SPIDR: variants seen among roughly 807,000 people sequenced by gnomAD.
The protein encoded by SPIDR is scaffold protein involved in DNA repair.
A neutral mutation model predicts 104.6 loss-of-function variants in SPIDR; 93 were observed. The ratio of observed to expected loss-of-function variants is 0.89; its 90% CI spans 0.75 to 1.06. SPIDR has a LOEUF of 1.06. SPIDR is among the 50% of genes least tolerant of loss of function. The pLI is 0.00. For synonymous variants in SPIDR, 431 were observed against 416.9 expected (o/e 1.03, Z -0.41); for missense variants, 1,154 against 1,111.2 (o/e 1.04, Z -0.55).
intron 6 of SPIDR, among the ~76,000 whole-genome samples, chr8:47,406,608 A>G (rs2062790188): frequency 6.6e-6 from 1 of 152,200 alleles, no homozygotes; most frequent in African/African-American, 2.4e-5. Context: ...GTGTCTCTAT[A>G]GGTATTAATA....
intron 10 of SPIDR, among the ~76,000 whole-genome samples, chr8:47,619,012 T>C (rs1341867526): frequency 1.3e-5 from 2 of 152,260 alleles, no homozygotes; most frequent in African/African-American, 4.8e-5. Context: ...CTGGCAACTT[T>C]AATTGCCCCA....
chr8:47,474,984 T>G (rs190775788), intron 8 of SPIDR, among the ~76,000 whole-genome samples: 33 of 152,366 alleles, frequency 2.2e-4, no homozygotes, highest in African/African-American at 7.9e-4. Context: ...CACAAAGTTA[T>G]GGAAAGCCAA....
At chr8:47,729,074 C>T in intron 18 of SPIDR, 27 bp downstream of exon 18, 2 of 1,611,682 alleles carry the variant, frequency 1.2e-6, no homozygotes, top group Non-Finnish European at 1.7e-6. Context: ...AGCACGCACG[C>T]ACTCCTAGCT....
intron 8 of SPIDR, among the ~76,000 whole-genome samples, chr8:47,504,763 G>T (rs1200469831): frequency 1.3e-5 from 2 of 152,120 alleles, no homozygotes; most frequent in East Asian, 3.8e-4. Context: ...CATCTTTGTG[G>T]TTTTATCTAC....
chr8:47,557,142 C>T (rs1237519531), intron 8 of SPIDR, among the ~76,000 whole-genome samples: 5 of 152,084 alleles, frequency 3.3e-5, no homozygotes, highest in East Asian at 1.9e-4. Context: ...AATGAGACTT[C>T]GGCTCCTCAT....
At chr8:47,426,027 G>C (rs1554684444) in intron 7 of SPIDR, among the ~76,000 whole-genome samples, 3 of 151,082 alleles carry the variant, frequency 2.0e-5, no homozygotes, top group African/African-American at 7.3e-5. Flanking sequence ...GGCAGATCAC[G>C]AGGTCAGGAG....
intron 5 of SPIDR, among the ~76,000 whole-genome samples, chr8:47,302,701 G>A (rs1288000184): frequency 6.6e-6 from 1 of 152,206 alleles, no homozygotes; most frequent in African/African-American, 2.4e-5. Flanking sequence ...GGAGTTTGGT[G>A]GAGGTCCACT....
At chr8:47,484,874 A>G (rs2077335693) in intron 8 of SPIDR, among the ~76,000 whole-genome samples, 1 of 152,202 alleles carries the variant, frequency 6.6e-6, no homozygotes, top group Non-Finnish European at 1.5e-5. Context: ...CGGCAGTTCC[A>G]AGACAGCTGA....
intron 16 of SPIDR, among the ~76,000 whole-genome samples, chr8:47,721,196 T>C (rs898257587): frequency 2.0e-5 from 3 of 152,238 alleles, no homozygotes; most frequent in African/African-American, 7.2e-5. Flanking sequence ...ATCATCTAGA[T>C]TTTCTCCTGT....
intron 8 of SPIDR, among the ~76,000 whole-genome samples, chr8:47,489,106 T>C (rs1300460467): frequency 6.6e-5 from 10 of 152,176 alleles, no homozygotes; most frequent in Non-Finnish European, 1.5e-4. Flanking sequence ...GAAAACCCCA[T>C]CGTCTCACCC....
At chr8:47,635,098 G>A (rs1216996438) in intron 10 of SPIDR, among the ~76,000 whole-genome samples, 2 of 152,102 alleles carry the variant, frequency 1.3e-5, no homozygotes, top group African/African-American at 4.8e-5. Flanking sequence ...TATAGTTATA[G>A]GCTGAGTGCG....
At chr8:47,395,038 T>C (rs782215849) in intron 5 of SPIDR, among the ~76,000 whole-genome samples, 14 of 152,094 alleles carry the variant, frequency 9.2e-5, no homozygotes, top group Non-Finnish European at 1.8e-4. Context: ...AGATGGATGG[T>C]TCCTTTTTTT....
intron 8 of SPIDR, among the ~76,000 whole-genome samples, chr8:47,543,463 C>T (rs2088643587): frequency 6.6e-6 from 1 of 152,126 alleles, no homozygotes; most frequent in Admixed American, 6.5e-5. Context: ...AGCTTTATTT[C>T]TCATAAAGGG....
chr8:47,702,758 A>C (rs753707793), intron 14 of SPIDR, among the ~76,000 whole-genome samples: 1 of 152,324 alleles, frequency 6.6e-6, no homozygotes, highest in East Asian at 1.9e-4. Context: ...CACCGGGTGC[A>C]TCTGCCATGG....
intron 6 of SPIDR, among the ~76,000 whole-genome samples, chr8:47,398,833 C>T (rs189292296): frequency 1.2e-4 from 18 of 152,218 alleles, no homozygotes; most frequent in African/African-American, 4.3e-4. Context: ...GAGGGAGAGA[C>T]TGCTGAGGGA....
chr8:47,522,631 T>C (rs1230178413), intron 8 of SPIDR, among the ~76,000 whole-genome samples: 2 of 152,208 alleles, frequency 1.3e-5, no homozygotes, highest in Non-Finnish European at 2.9e-5. Flanking sequence ...AATCACACAA[T>C]GTCACTGTGT....
At chr8:47,388,012 G>A (rs937753224) in intron 5 of SPIDR, among the ~76,000 whole-genome samples, 78 of 152,148 alleles carry the variant, frequency 5.1e-4, no homozygotes, top group African/African-American at 1.8e-3. Flanking sequence ...GTCTAGACTC[G>A]TCTGTAGGTC....
intron 10 of SPIDR, among the ~76,000 whole-genome samples, chr8:47,645,847 G>A (rs1333098074): frequency 6.6e-6 from 1 of 152,174 alleles, no homozygotes; most frequent in Non-Finnish European, 1.5e-5. Context: ...ACCAAGATAG[G>A]TTACAAATGA....
intron 8 of SPIDR, among the ~76,000 whole-genome samples, chr8:47,461,788 T>C (rs2073985053): frequency 6.6e-6 from 1 of 152,114 alleles, no homozygotes; most frequent in Non-Finnish European, 1.5e-5. Context: ...TAATTTATGC[T>C]ATTTCACTGA....
Sources: gnomAD v4.1 joint callset for allele counts (sites outside exome capture counted in the v4.1 genomes callset) on GRCh38, gnomAD v4.1.1 for gene constraint, MANE v1.5 for transcripts, NCBI Gene and HGNC (gene_info 2026-07-23, HGNC 2026-07-21) for gene names.